MRPL19: variants seen among roughly 807,000 people sequenced by gnomAD.
MRPL19 encodes the protein mitochondrial ribosomal protein L19, also known as large ribosomal subunit protein bL19m.
A neutral mutation model predicts 34.0 loss-of-function variants in MRPL19; 31 were observed. That is an observed-to-expected ratio of 0.91 (90% CI 0.68 to 1.23). MRPL19 has a LOEUF of 1.23. Ranked by LOEUF, MRPL19 falls within the 50% of genes most tolerant of loss-of-function variation. The pLI is 0.00. For missense variants in MRPL19, 384 were observed against 367.6 expected (o/e 1.04, Z -0.37); for synonymous variants, 152 against 127.7 (o/e 1.19, Z -1.28).
Position 75,657,599 on chromosome 2 carries a change from G to A in MRPL19, c.*2314G>A, listed in dbSNP as rs1444359148. The A allele has an allele frequency of 1.3e-5, 2 of 152,030 alleles. No homozygotes were observed. Among genetic ancestry groups the A allele is most frequent in the Non-Finnish European group, 2.9e-5 (2 of 67,988 alleles). The allele number at this position is 152,030 out of a possible 1,614,324, so 9.4% of individuals were successfully genotyped here. ...CTTATATTTTTCTTCTCTTTATCTT[G>A]TTAGAAGATAGCTATTAAAACCTGT... On this transcript the variant is annotated 3_prime_UTR_variant, in exon 6 of 6. Transcript: ENST00000393909.
rs1199060917 is a variant in MRPL19 at position 75,658,709 on chromosome 2, T to A, written c.*3424T>A. ...ATTTTAATGTTTTTGAGAATTGGTG[T>A]GTGGCCTGATAGATGGTCTGTCCTG... On this transcript the variant is annotated 3_prime_UTR_variant, in exon 6 of 6. Transcript: ENST00000393909. Among the ~76,000 whole-genome samples the A allele has an allele frequency of 6.6e-6, 1 of 152,170 alleles. No individual in the cohort carries two copies. Among genetic ancestry groups the A allele is most frequent in the African/African-American group, 2.4e-5 (1 of 41,450 alleles).
chr2:75,648,540 G>A (rs73936753), intron 2 of MRPL19, among the ~76,000 whole-genome samples: 7,077 of 152,200 alleles, frequency 0.046, 349 homozygotes, highest in African/African-American at 0.12. Context: ...AATCATTAAT[G>A]TAGTAGGATG....
rs1029242474 is a variant in MRPL19 at position 75,660,245 on chromosome 2, T to G, written c.*4960T>G. Among the ~76,000 whole-genome samples the G allele has an allele frequency of 2.6e-5, 4 of 152,214 alleles. No individual in the cohort carries two copies. Among genetic ancestry groups the G allele is most frequent in the African/African-American group, 9.6e-5 (4 of 41,470 alleles). Reference sequence around the variant, plus strand: ...TTTATTGATATTCTCATTTTGTTCATATGTCTCTTTCTTCCTTTAGTTCTT... The same window carrying G: ...TTTATTGATATTCTCATTTTGTTCAGATGTCTCTTTCTTCCTTTAGTTCTT... On this transcript the variant is annotated 3_prime_UTR_variant, in exon 6 of 6. Coordinates refer to ENST00000393909, the MANE Select transcript of MRPL19 (RefSeq NM_014763.4).
chr2:75,647,402 G>C, intron 2 of MRPL19, 183 bp downstream of exon 2: 1 of 591,782 alleles, frequency 1.7e-6, no homozygotes, highest in Non-Finnish European at 2.9e-6. Context: ...AGCCAGCATT[G>C]AACTTCTTTG....
At chr2:75,648,859 A>T (rs370377849) in intron 2 of MRPL19, among the ~76,000 whole-genome samples, 2 of 152,196 alleles carry the variant, frequency 1.3e-5, no homozygotes, top group East Asian at 1.9e-4. Context: ...ATAGAGCAAG[A>T]CTCTGTCTCA....
chr2:75,647,059 G>T, intron 1 of MRPL19, 43 bp from the exon 2 acceptor site: 2 of 1,537,680 alleles, frequency 1.3e-6, no homozygotes, highest in East Asian at 2.4e-5. Context: ...CGGGATCTCA[G>T]GGTTGGCACG....
chr2:75,654,261 G>T (rs1299853185), intron 4 of MRPL19, among the ~76,000 whole-genome samples: 1 of 152,154 alleles, frequency 6.6e-6, no homozygotes, highest in Non-Finnish European at 1.5e-5. Flanking sequence ...GGCAAAACTA[G>T]TTCTCTCCAT....
Position 75,659,607 on chromosome 2 carries a change from T to C in MRPL19, c.*4322T>C, listed in dbSNP as rs1678554350. On this transcript the variant is annotated 3_prime_UTR_variant, in exon 6 of 6. Coordinates refer to ENST00000393909, the MANE Select transcript of MRPL19 (RefSeq NM_014763.4). ...TTTGTTTTATCTGAGAATGTCTTGATTTCTCCCTTATTTTTGATGGATAAT... is the reference window on the plus strand; with the variant it reads ...TTTGTTTTATCTGAGAATGTCTTGACTTCTCCCTTATTTTTGATGGATAAT... Among the ~76,000 whole-genome samples the C allele has an allele frequency of 6.6e-6, 1 of 152,202 alleles. No individual in the cohort carries two copies. Among genetic ancestry groups the C allele is most frequent in the African/African-American group, 2.4e-5 (1 of 41,460 alleles).
chr2:75,653,094 TA>T (rs765505521), intron 4 of MRPL19, among the ~76,000 whole-genome samples: 3 of 152,210 alleles, frequency 2.0e-5, no homozygotes, highest in Non-Finnish European at 2.9e-5. Context: ...CACTGTCTTA[TA>T]TGACTTGGGA....
chr2:75,647,002 G>T (rs984182190), intron 1 of MRPL19, 92 bp downstream of exon 1: 29 of 1,481,364 alleles, frequency 2.0e-5, no homozygotes, highest in Non-Finnish European at 2.4e-5. Flanking sequence ...CAACCCCAGC[G>T]TTGGTCCCCC....
chr2:75,652,368 G>T, intron 3 of MRPL19, 108 bp downstream of exon 3: 1 of 1,286,794 alleles, frequency 7.8e-7, no homozygotes, highest in Non-Finnish European at 1.1e-6. Context: ...TACATATCTG[G>T]GTTATGCTCA....
rs950286025 is a variant in MRPL19 at position 75,659,835 on chromosome 2, C to T, written c.*4550C>T. ...TTGTCTTTTGACAGTTTGATTATAACGCGGCTCAGTGTGGGTCTCTGAGTT... is the reference window on the plus strand; with the variant it reads ...TTGTCTTTTGACAGTTTGATTATAATGCGGCTCAGTGTGGGTCTCTGAGTT... On this transcript the variant is annotated 3_prime_UTR_variant, in exon 6 of 6. Transcript: ENST00000393909. Among the ~76,000 whole-genome samples, 1 of 152,086 alleles carries T rather than the reference C, an allele frequency of 6.6e-6. No homozygotes were observed. Among genetic ancestry groups the T allele is most frequent in the Non-Finnish European group, 1.5e-5 (1 of 67,994 alleles).
intron 5 of MRPL19, 60 bp downstream of exon 5, chr2:75,654,977 C>G (rs1678412204): frequency 1.3e-6 from 2 of 1,514,594 alleles, no homozygotes; most frequent in Non-Finnish European, 1.8e-6. Flanking sequence ...AAAGAATCAT[C>G]TTAATGAAAA....
chr2:75,654,704 GATTGTAAGAAT>G, intron 4 of MRPL19, 21 bp from the exon 5 acceptor site: 1 of 1,604,260 alleles, frequency 6.2e-7, no homozygotes, highest in Non-Finnish European at 8.5e-7. Flanking sequence ...CGTGGACTTA[GATTGTAAGAAT>G]ATGTTTTCTG....
chr2:75,651,714 G>C, intron 2 of MRPL19: 1 of 308,642 alleles, frequency 3.2e-6, no homozygotes, highest in Non-Finnish European at 6.3e-6. Context: ...ATTTATTATA[G>C]CATGTATAGC....
In MRPL19 at chr2:75,659,810, T is replaced by C. The variant is rs1678560392; in HGVS notation, c.*4525T>C. Among the ~76,000 whole-genome samples, 1 of 152,216 alleles carries C rather than the reference T, an allele frequency of 6.6e-6. No homozygotes were observed. The highest frequency in any genetic ancestry group is 2.4e-5 in the African/African-American group (1 of 41,472). ...ATTGCTTTTCGGATTTGCTCAGCTT[T>C]TGTCTTTTGACAGTTTGATTATAAC... is the stretch of plus-strand genomic sequence containing the variant. On this transcript the variant is annotated 3_prime_UTR_variant, in exon 6 of 6. Transcript: ENST00000393909.
chr2:75,655,435 T>A lies in MRPL19; in HGVS notation c.*150T>A. On this transcript the variant is annotated 3_prime_UTR_variant, in exon 6 of 6. Coordinates refer to ENST00000393909, the MANE Select transcript of MRPL19 (RefSeq NM_014763.4). ...TAATACTTTTTTTCTAAAATAAAAC[T>A]TGTACACCAGTTTATTACTCTAAAA... 1 of 636,264 alleles carries A rather than the reference T, an allele frequency of 1.6e-6. No homozygotes were observed. The highest frequency in any genetic ancestry group is 2.6e-6 in the Non-Finnish European group (1 of 379,622). The allele number at this position is 636,264 out of a possible 1,614,324, so 39.4% of individuals were successfully genotyped here.
Position 75,652,608 on chromosome 2 carries a change from A to G in MRPL19, c.426A>G (p.Gly142=). ...QFLGICIQRS[G]RGLGATFILR... ...TGGGGATTTGCATTCAGAGATCAGGAAGAGGACTTGGAGCTACTTTCATCC... is the reference window on the plus strand; with the variant it reads ...TGGGGATTTGCATTCAGAGATCAGGGAGAGGACTTGGAGCTACTTTCATCC... The change falls in exon 4 of 6, where the codon GGA becomes GGG. Residue 142 remains glycine, a synonymous_variant. Transcript: ENST00000393909. 6.2e-7 allele frequency: 1 copy of G among 1,613,894 alleles called. No individual in the cohort carries two copies.
rs746764310 is a variant in MRPL19 at position 75,661,244 on chromosome 2, C to A, written c.*5959C>A. 17 of 152,182 alleles carry A rather than the reference C, an allele frequency of 1.1e-4. No homozygotes were observed. The highest frequency in any genetic ancestry group is 2.5e-4 in the Non-Finnish European group (17 of 68,036). The allele number at this position is 152,182 out of a possible 1,614,324, so 9.4% of individuals were successfully genotyped here. A position where few individuals can be genotyped will look rare whatever the true frequency, so the allele number is the denominator to read the frequency against. ...ATTTTAAAGTTGCCTGTTCTTGACT[C>A]AGCATTTGCTTCATTGCTATAAACT... On this transcript the variant is annotated 3_prime_UTR_variant, in exon 6 of 6. Transcript: ENST00000393909.
Sources: allele counts gnomAD v4.1 joint callset (sites outside exome capture counted in the v4.1 genomes callset), GRCh38; gene constraint gnomAD v4.1.1; transcripts MANE v1.5; gene names NCBI Gene and HGNC (gene_info 2026-07-23, HGNC 2026-07-21).